Variants in RASA3 observed in about 807,000 individuals in gnomAD.
RASA3 encodes ras GTPase-activating protein 3.
RASA3 carries 73 observed loss-of-function variants against 110.0 expected under a neutral mutation model. That is an observed-to-expected ratio of 0.66 (90% confidence interval 0.55 to 0.81). RASA3 has a LOEUF of 0.81. Among genes scored for constraint, RASA3 ranks in the 30% least tolerant of loss-of-function variants. The pLI is 0.00. For synonymous variants in RASA3, 500 were observed against 451.4 expected (o/e 1.11, Z -1.37); for missense variants, 976 against 1,113.2 (o/e 0.88, Z 1.75).
intron 1 of RASA3, among the ~76,000 whole-genome samples, chr13:114,091,153 T>C (rs936751219): frequency 1.3e-5 from 2 of 152,162 alleles, no homozygotes; most frequent in African/African-American, 4.8e-5. Context: ...TGCTATTTCT[T>C]AGATCAACTT....
intron 4 of RASA3, chr13:114,035,706 A>G (rs2054266640): frequency 6.6e-6 from 1 of 152,322 alleles, no homozygotes; most frequent in African/African-American, 2.4e-5. Context: ...GGACTGTTCC[A>G]CGCCGGCCGC....
Position 114,068,600 on chromosome 13 carries a change from G to C in RASA3, c.173+5120C>G, listed in dbSNP as rs551354368. Among the ~76,000 whole-genome samples, 16 of 152,322 alleles carry C rather than the reference G, an allele frequency of 1.1e-4. No individual in the cohort carries two copies. The South Asian group carries it at 3.3e-3, about 32-fold the overall frequency. Reference sequence around the variant, plus strand: ...AGCGGGGTCATCTCCTTGTTTTAGGGTCGTGGGTGCCGGCCCAGGGGAGGT... The same window carrying C: ...AGCGGGGTCATCTCCTTGTTTTAGGCTCGTGGGTGCCGGCCCAGGGGAGGT... On this transcript the variant is annotated intron_variant, in intron 2 of 23. Coordinates refer to ENST00000334062, the MANE Select transcript of RASA3 (RefSeq NM_007368.4).
chr13:114,042,852 C>T (rs928107999), intron 3 of RASA3, among the ~76,000 whole-genome samples: 1 of 152,196 alleles, frequency 6.6e-6, no homozygotes, highest in Non-Finnish European at 1.5e-5. Flanking sequence ...CCATCTCAGT[C>T]GGTCCTGCGG....
chr13:113,990,321 G>A (rs182739625), intron 22 of RASA3, among the ~76,000 whole-genome samples: 7 of 152,348 alleles, frequency 4.6e-5, no homozygotes. Context: ...CTGCCAGCCT[G>A]ATGCGCAAGG....
rs760238441 is a variant in RASA3 at position 113,979,338 on chromosome 13, C to T, written c.*9G>A. The T allele has an allele frequency of 6.3e-7, 1 of 1,581,624 alleles. No individual in the cohort carries two copies. The highest frequency in any genetic ancestry group is 8.7e-7 in the Non-Finnish European group (1 of 1,150,724). On this transcript the variant is annotated 3_prime_UTR_variant, in exon 24 of 24. Coordinates refer to ENST00000334062, the MANE Select transcript of RASA3 (RefSeq NM_007368.4). The stretch of plus-strand genomic sequence containing the variant: ...GCTTGCTGGCGCCACTGGGCGCGTC[C>T]CGCAGACTTTAAATGGAATGAGTGG...
chr13:113,990,100 G>A (rs1198472820), intron 22 of RASA3, among the ~76,000 whole-genome samples: 1 of 152,160 alleles, frequency 6.6e-6, no homozygotes, highest in Non-Finnish European at 1.5e-5. Context: ...GCTCCTGCAT[G>A]TAGGAGGTGC....
At chr13:114,125,040 C>T (rs9525276) in intron 1 of RASA3, among the ~76,000 whole-genome samples, 64,630 of 152,006 alleles carry the variant, frequency 0.43, 13,789 homozygotes, top group Middle Eastern at 0.6. Flanking sequence ...CCCTGATCTG[C>T]GCACACTCAT....
chr13:114,053,120 C>G, intron 2 of RASA3, among the ~76,000 whole-genome samples: 1 of 152,214 alleles, frequency 6.6e-6, no homozygotes, highest in South Asian at 2.1e-4. Flanking sequence ...GCTGACTGTA[C>G]TTAAAGTCCT....
At chr13:114,038,376 G>A (rs1366129623) in intron 4 of RASA3, among the ~76,000 whole-genome samples, 1 of 152,256 alleles carries the variant, frequency 6.6e-6, no homozygotes, top group African/African-American at 2.4e-5. Context: ...CCGGGGATGC[G>A]AGGACAGTCA....
intron 1 of RASA3, among the ~76,000 whole-genome samples, chr13:114,102,098 C>T (rs2080067766): frequency 6.6e-6 from 1 of 152,242 alleles, no homozygotes; most frequent in Non-Finnish European, 1.5e-5. Flanking sequence ...TACAACTGTG[C>T]AAATGCACTT....
chr13:114,001,403 T>C (rs9590457), intron 18 of RASA3, among the ~76,000 whole-genome samples: 1,618 of 102,328 alleles, frequency 0.016, 21 homozygotes, highest in African/African-American at 0.049. Context: ...GGGCGGGCAG[T>C]GGACGCTCAC....
chr13:114,012,700 T>TCCC (rs1566476243), intron 15 of RASA3, among the ~76,000 whole-genome samples: 1 of 69,032 alleles, frequency 1.4e-5, no homozygotes, highest in Admixed American at 1.5e-4. Context: ...CACACACTCC[T>TCCC]CATTCCACAC....
intron 15 of RASA3, among the ~76,000 whole-genome samples, chr13:114,012,241 C>T (rs751830475): frequency 1.1e-4 from 16 of 152,080 alleles, no homozygotes; most frequent in Admixed American, 1.3e-4. Context: ...TCCCCCAGAA[C>T]GTACACAGCT....
intron 4 of RASA3, among the ~76,000 whole-genome samples, chr13:114,033,735 G>C (rs113126978): frequency 2.0e-5 from 3 of 152,376 alleles, no homozygotes; most frequent in African/African-American, 7.2e-5. Flanking sequence ...CTGGGTCTGT[G>C]CTGCCCAGGC....
chr13:114,074,373 G>A (rs1315230428), intron 1 of RASA3, among the ~76,000 whole-genome samples: 1 of 152,188 alleles, frequency 6.6e-6, no homozygotes, highest in Non-Finnish European at 1.5e-5. Context: ...GGGATCCACA[G>A]GACGTGTCCT....
intron 22 of RASA3, among the ~76,000 whole-genome samples, chr13:113,984,562 T>C (rs1594275169): frequency 2.9e-5 from 1 of 34,560 alleles, no homozygotes; most frequent in Non-Finnish European, 6.3e-5. Flanking sequence ...CATCCATCCA[T>C]CCACCCATCA....
intron 1 of RASA3, among the ~76,000 whole-genome samples, chr13:114,104,952 C>G (rs2080114443): frequency 6.6e-6 from 1 of 151,804 alleles, no homozygotes; most frequent in African/African-American, 2.4e-5. Flanking sequence ...TTGCCCACAC[C>G]AGCGTCAGCA....
chr13:114,019,583 A>G (rs1001439816), intron 9 of RASA3, among the ~76,000 whole-genome samples: 1 of 143,860 alleles, frequency 7.0e-6, no homozygotes, highest in Non-Finnish European at 1.5e-5. Context: ...CAGCATTAGC[A>G]GCCCGGTCAG....
At chr13:113,980,976 G>C (rs1184118979) in intron 23 of RASA3, among the ~76,000 whole-genome samples, 1 of 152,210 alleles carries the variant, frequency 6.6e-6, no homozygotes, top group Admixed American at 6.5e-5. Context: ...CAGGGCTCTA[G>C]GGCTTACCCG....
Sources: allele counts gnomAD v4.1 joint callset (sites outside exome capture counted in the v4.1 genomes callset), GRCh38; gene constraint gnomAD v4.1.1; transcripts MANE v1.5; gene names NCBI Gene and HGNC (gene_info 2026-07-23, HGNC 2026-07-21).